Variants in BRSK2 observed in about 807,000 individuals in gnomAD.
The protein encoded by BRSK2 is serine/threonine-protein kinase BRSK2.
A neutral mutation model predicts 83.3 loss-of-function variants in BRSK2; 19 were observed. That is an observed-to-expected ratio of 0.23 (90% CI 0.16 to 0.33). The LOEUF is 0.33. BRSK2 is among the 10% of genes least tolerant of loss of function. The pLI is 1.00. For synonymous variants in BRSK2, 519 were observed against 435.4 expected (o/e 1.19, Z -2.39); for missense variants, 798 against 1,042.3 (o/e 0.77, Z 3.23).
chr11:1,457,963 G>C (rs537461211), intron 18 of BRSK2, among the ~76,000 whole-genome samples: 1 of 152,174 alleles, frequency 6.6e-6, no homozygotes, highest in East Asian at 1.9e-4. Context: ...CCAGGTGCTC[G>C]GCCCCGCAGG....
intron 12 of BRSK2, among the ~76,000 whole-genome samples, 154 bp downstream of exon 12, chr11:1,446,061 G>GGCTTA (rs761107374): frequency 1.6e-4 from 9 of 56,204 alleles, no homozygotes; most frequent in Non-Finnish European, 1.5e-4. Flanking sequence ...GGCTGGGCTG[G>GGCTTA]GCTGGGCTTG....
chr11:1,422,040 G>C (rs1444806250), intron 1 of BRSK2, among the ~76,000 whole-genome samples: 1 of 152,266 alleles, frequency 6.6e-6, no homozygotes, highest in South Asian at 2.1e-4. Flanking sequence ...TGCCCCACGG[G>C]GGGAGGGTGG....
Position 1,434,786 on chromosome 11 carries a change from A to G in BRSK2, c.92-1254A>G, listed in dbSNP as rs146309072. On this transcript the variant is annotated intron_variant, in intron 1 of 19. Transcript: ENST00000528841. ...TCCCCTGTGATAACCTGATCCCCCC[A>G]TGGTTCCAACATGCCCCAACATGGA... Among the ~76,000 whole-genome samples, 172 of 152,198 alleles carry G rather than the reference A, an allele frequency of 1.1e-3. 2 individuals are homozygous for G. The highest frequency in any genetic ancestry group is 4.1e-3 in the African/African-American group (169 of 41,518).
Position 1,419,677 on chromosome 11 carries a change from A to G in BRSK2, c.92-16363A>G, listed in dbSNP as rs1449156618. Among the ~76,000 whole-genome samples, 5 of 152,206 alleles carry G rather than the reference A, an allele frequency of 3.3e-5. No homozygotes were observed. The South Asian group carries it at 1.0e-3, about 31-fold the overall frequency. On this transcript the variant is annotated intron_variant, in intron 1 of 19. Coordinates refer to ENST00000528841, the MANE Select transcript of BRSK2 (RefSeq NM_001256627.2). ...TGTAATCCCAGCACTTTGGGGGGCCATGGCGGGGCCTCACTTGAGGTCTGT... is the reference window on the plus strand; with the variant it reads ...TGTAATCCCAGCACTTTGGGGGGCCGTGGCGGGGCCTCACTTGAGGTCTGT...
intron 13 of BRSK2, 24 bp from the exon 14 acceptor site, chr11:1,450,563 A>G: frequency 7.0e-7 from 1 of 1,428,448 alleles, no homozygotes; most frequent in Non-Finnish European, 9.6e-7. Context: ...TGAACCAAAC[A>G]CCAAATCTGT....
intron 18 of BRSK2, 74 bp downstream of exon 18, chr11:1,456,761 A>G (rs1159696969): frequency 6.8e-7 from 1 of 1,470,182 alleles, no homozygotes; most frequent in Non-Finnish European, 9.2e-7. Flanking sequence ...CGCGGACGGG[A>G]GGCGTGAGGA....
chr11:1,428,954 G>A (rs766710996), intron 1 of BRSK2, among the ~76,000 whole-genome samples: 6 of 150,590 alleles, frequency 4.0e-5, no homozygotes, highest in Non-Finnish European at 3.0e-5. Context: ...TGTGTGCACG[G>A]GTGTGTGCCC....
At chr11:1,391,164 C>T (rs184313678) in intron 1 of BRSK2, among the ~76,000 whole-genome samples, 7 of 152,240 alleles carry the variant, frequency 4.6e-5, no homozygotes, top group African/African-American at 1.7e-4. Flanking sequence ...GGCCAACTCT[C>T]CCCGGCCCGC....
chr11:1,404,773 C>G (rs907938193), intron 1 of BRSK2, among the ~76,000 whole-genome samples: 1 of 152,240 alleles, frequency 6.6e-6, no homozygotes, highest in African/African-American at 2.4e-5. Flanking sequence ...CCACTGCCCA[C>G]TAAGCAGCTC....
intron 1 of BRSK2, among the ~76,000 whole-genome samples, chr11:1,422,245 A>G (rs140999542): frequency 0.016 from 2,408 of 152,132 alleles, 25 homozygotes; most frequent in Middle Eastern, 0.051. Flanking sequence ...ATCGCAGCTC[A>G]CAGCCCCCAG....
intron 1 of BRSK2, among the ~76,000 whole-genome samples, chr11:1,434,745 G>A (rs1018153379): frequency 2.6e-5 from 4 of 152,050 alleles, no homozygotes; most frequent in Admixed American, 6.5e-5. Context: ...GTGTCTGGGC[G>A]CACCTAGGAT....
At chr11:1,410,563 C>T (rs374188490) in intron 1 of BRSK2, 60 of 985,346 alleles carry the variant, frequency 6.1e-5, no homozygotes, top group East Asian at 1.1e-4. Context: ...CTTTTGATGT[C>T]GTCAGGCTCT....
intron 12 of BRSK2, among the ~76,000 whole-genome samples, chr11:1,446,706 A>C (rs550480738): frequency 3.2e-4 from 49 of 152,336 alleles, no homozygotes; most frequent in African/African-American, 1.0e-3. Context: ...GGCCCTCAGC[A>C]AATCCTTGGA....
chr11:1,415,706 C>G (rs755437780), intron 1 of BRSK2, among the ~76,000 whole-genome samples: 5 of 152,232 alleles, frequency 3.3e-5, no homozygotes, highest in Non-Finnish European at 5.9e-5. Flanking sequence ...CCCCTTGGGT[C>G]CCTCACTTTC....
intron 1 of BRSK2, among the ~76,000 whole-genome samples, chr11:1,428,018 G>A (rs931830676): frequency 5.9e-5 from 9 of 152,166 alleles, no homozygotes; most frequent in Non-Finnish European, 2.9e-5. Context: ...CTCTATGCTG[G>A]GCTCTGAGGA....
intron 18 of BRSK2, chr11:1,457,183 C>T (rs1280051675): frequency 7.4e-6 from 6 of 807,958 alleles, no homozygotes; most frequent in African/African-American, 3.5e-5. Context: ...ATGCCCCGGG[C>T]GGCCCATCTG....
At position 1,438,445 on chromosome 11, in the gene BRSK2, G is replaced by A; in HGVS notation, c.272+54G>A. The stretch of plus-strand genomic sequence containing the variant: ...GGTGGCGGAGGTGGCAGCTGTCGCT[G>A]CAGGGGTGGGTGTCTGGGGCTTGGG... On this transcript the variant is annotated intron_variant, in intron 3 of 19. Transcript: ENST00000528841. The surrounding 1 kb of genome is among the most constrained non-coding windows in gnomAD (Gnocchi z 6.4). 2 of 1,538,126 alleles carry A rather than the reference G, an allele frequency of 1.3e-6. No individual in the cohort carries two copies. Among genetic ancestry groups the A allele is most frequent in the Non-Finnish European group, 9.0e-7 (1 of 1,113,270 alleles).
At chr11:1,392,886 G>T (rs756731327) in intron 1 of BRSK2, among the ~76,000 whole-genome samples, 2 of 152,158 alleles carry the variant, frequency 1.3e-5, no homozygotes, top group Non-Finnish European at 2.9e-5. Context: ...GCTCCCCTCG[G>T]TGGCTGTGGG....
intron 18 of BRSK2, among the ~76,000 whole-genome samples, chr11:1,458,857 A>C (rs1410043189): frequency 6.6e-6 from 1 of 152,146 alleles, no homozygotes; most frequent in Non-Finnish European, 1.5e-5. Context: ...GCCAGGGCAG[A>C]GTTGTCAGCC....
Sources: allele counts gnomAD v4.1 joint callset (sites outside exome capture counted in the v4.1 genomes callset), GRCh38; gene constraint gnomAD v4.1.1; non-coding constraint Gnocchi (gnomAD v3.1); transcripts MANE v1.5; gene names NCBI Gene and HGNC (gene_info 2026-07-23, HGNC 2026-07-21).